COBLL1: variants seen among roughly 807,000 people sequenced by gnomAD.
COBLL1 encodes cordon-bleu WH2 repeat protein like 1, also known as cordon-bleu protein-like 1.
A neutral mutation model predicts 94.8 loss-of-function variants in COBLL1; 50 were observed. The observed-to-expected ratio is 0.53, with a 90% CI of 0.42 to 0.67. The LOEUF (loss-of-function observed/expected upper bound fraction) is 0.67. Among genes scored for constraint, COBLL1 ranks in the 30% least tolerant of loss-of-function variants. COBLL1 has a pLI of 0.00. For missense variants in COBLL1, 1,362 were observed against 1,348.7 expected (o/e 1.01, Z -0.15); for synonymous variants, 448 against 473.8 (o/e 0.95, Z 0.71).
At chr2:164,659,698 C>T (rs758810224) in intron 2 of COBLL1, among the ~76,000 whole-genome samples, 6 of 152,118 alleles carry the variant, frequency 3.9e-5, no homozygotes, top group African/African-American at 7.2e-5. Flanking sequence ...TCAGGTTGTC[C>T]GGAGTGGGCA....
intron 2 of COBLL1, among the ~76,000 whole-genome samples, chr2:164,781,777 G>T (rs1486470825): frequency 1.3e-5 from 2 of 152,080 alleles, no homozygotes; most frequent in Non-Finnish European, 2.9e-5. Context: ...CTGTGAAGGT[G>T]CTCAAGACAA....
Position 164,682,434 on chromosome 2 carries a change from G to T in COBLL1, c.*3512C>A, listed in dbSNP as rs1188390366. 1.3e-5 allele frequency: 2 copies of T among 152,142 alleles called. No individual in the cohort carries two copies. The highest frequency in any genetic ancestry group is 2.9e-5 in the Non-Finnish European group (2 of 68,024). 9.4% of individuals were successfully genotyped at this position (152,142 alleles called of 1,614,324 possible). On this transcript the variant is annotated 3_prime_UTR_variant, in exon 14 of 14. Transcript: ENST00000652658. ...ACTGGAATTAGACACATACATAATT[G>T]TATCAATTGGGACGCTTTGGGTTTT...
At chr2:164,721,764 G>A (rs1685455942) in intron 7 of COBLL1, 1 of 171,342 alleles carries the variant, frequency 5.8e-6, no homozygotes, top group Non-Finnish European at 1.2e-5. Context: ...CCTAGCAAGA[G>A]CCCCTAGTTA....
intron 7 of COBLL1, among the ~76,000 whole-genome samples, chr2:164,707,706 A>G (rs976153049): frequency 3.9e-5 from 6 of 152,174 alleles, no homozygotes; most frequent in Non-Finnish European, 8.8e-5. Context: ...GAATAAAAAA[A>G]TGAATGATAT....
chr2:164,771,644 T>C (rs374539371), intron 2 of COBLL1, among the ~76,000 whole-genome samples: 1 of 152,050 alleles, frequency 6.6e-6, no homozygotes, highest in African/African-American at 2.4e-5. Context: ...CTGTTCTGAA[T>C]AGATGGAGAC....
intron 2 of COBLL1, among the ~76,000 whole-genome samples, chr2:164,818,837 T>C (rs549538899): frequency 1.3e-5 from 2 of 151,554 alleles, no homozygotes; most frequent in East Asian, 3.9e-4. Flanking sequence ...GGTGCAATCA[T>C]AGTTCACTGC....
intron 2 of COBLL1, among the ~76,000 whole-genome samples, chr2:164,838,329 A>G (rs1298588950): frequency 1.3e-5 from 2 of 152,234 alleles, no homozygotes; most frequent in Non-Finnish European, 2.9e-5. Context: ...AAGAAAAAGC[A>G]GCAGCTGAGA....
chr2:164,817,361 T>TAAAAAA (rs10599487), intron 2 of COBLL1, among the ~76,000 whole-genome samples: 38 of 116,426 alleles, frequency 3.3e-4, no homozygotes, highest in African/African-American at 1.2e-3. Context: ...TGGTATATAT[T>TAAAAAA]AAAAAAAAAA....
intron 11 of COBLL1, among the ~76,000 whole-genome samples, chr2:164,698,979 T>G (rs1010514910): frequency 1.3e-5 from 2 of 151,668 alleles, no homozygotes; most frequent in Admixed American, 1.3e-4. Context: ...CCTTGAAAAA[T>G]CAGGCAGAAA....
intron 2 of COBLL1, among the ~76,000 whole-genome samples, chr2:164,758,097 T>C (rs532032844): frequency 6.6e-6 from 1 of 152,076 alleles, no homozygotes; most frequent in South Asian, 2.1e-4. Context: ...AAAAGAAATA[T>C]CTACAATGAG....
chr2:164,688,862 T>TCA (rs1465471134), intron 13 of COBLL1, among the ~76,000 whole-genome samples: 2 of 111,020 alleles, frequency 1.8e-5, no homozygotes, highest in African/African-American at 1.1e-4. Context: ...GTGATAAATA[T>TCA]CAATATCATT....
rs2105406107 is a variant in COBLL1, at chr2:164,841,591, C to G, written c.-51+119G>C. On this transcript the variant is annotated intron_variant, in intron 1 of 13. Transcript: ENST00000652658. This position sits in a 1 kb window ranked among gnomAD's most constrained non-coding sequence, Gnocchi z 5.5. ...CGGGCGCACGGGCACCGCTGCCACG[C>G]CGGCAGCGCACTCCCAGGCTCCTCC... is the stretch of plus-strand genomic sequence containing the variant. 1.1e-5 allele frequency: 5 copies of G among 437,984 alleles called. No homozygotes were observed. The highest frequency in any genetic ancestry group is 5.2e-5 in the Admixed American group (1 of 19,054). The allele number at this position is 437,984 out of a possible 1,614,324, so 27.1% of individuals were successfully genotyped here.
chr2:164,732,924 A>G (rs1419969357), intron 3 of COBLL1, among the ~76,000 whole-genome samples: 1 of 152,124 alleles, frequency 6.6e-6, no homozygotes, highest in East Asian at 1.9e-4. Context: ...GCATGGTGGC[A>G]GGTGTCTGTA....
intron 2 of COBLL1, among the ~76,000 whole-genome samples, chr2:164,768,630 T>C (rs1688052877): frequency 6.6e-6 from 1 of 152,136 alleles, no homozygotes; most frequent in Non-Finnish European, 1.5e-5. Context: ...AACCATCTTA[T>C]GTCTATTAGT....
intron 2 of COBLL1, among the ~76,000 whole-genome samples, chr2:164,799,714 A>G (rs949134687): frequency 6.6e-6 from 1 of 152,250 alleles, no homozygotes; most frequent in Admixed American, 6.5e-5. Flanking sequence ...AGAAAGCTAC[A>G]GTAATCAAAA....
chr2:164,786,564 A>C (rs1163680418), intron 2 of COBLL1, among the ~76,000 whole-genome samples: 1 of 152,190 alleles, frequency 6.6e-6, no homozygotes, highest in African/African-American at 2.4e-5. Context: ...CCAGGAGAAG[A>C]AGCTCAAACA....
At chr2:164,721,169 A>C (rs1685424297) in intron 7 of COBLL1, among the ~76,000 whole-genome samples, 1 of 152,186 alleles carries the variant, frequency 6.6e-6, no homozygotes, top group Non-Finnish European at 1.5e-5. Flanking sequence ...AATTTACTTT[A>C]GCATTGCATT....
At chr2:164,693,417 A>T (rs966114144) in intron 12 of COBLL1, among the ~76,000 whole-genome samples, 1 of 152,172 alleles carries the variant, frequency 6.6e-6, no homozygotes, top group African/African-American at 2.4e-5. Flanking sequence ...AGTAATATTA[A>T]ATACTTCTGG....
intron 2 of COBLL1, among the ~76,000 whole-genome samples, chr2:164,814,662 G>A (rs1196927734): frequency 2.6e-5 from 4 of 152,108 alleles, no homozygotes; most frequent in Non-Finnish European, 4.4e-5. Context: ...TCCATAGGAA[G>A]TCCTACTTGG....
Sources: gnomAD v4.1 joint callset for allele counts (sites outside exome capture counted in the v4.1 genomes callset) on GRCh38, gnomAD v4.1.1 for gene constraint, Gnocchi (gnomAD v3.1) non-coding constraint, MANE v1.5 for transcripts, NCBI Gene and HGNC (gene_info 2026-07-23, HGNC 2026-07-21) for gene names.